KLHL12: variants seen among roughly 807,000 people sequenced by gnomAD.
KLHL12 encodes the protein kelch like family member 12, also known as kelch-like protein 12.
KLHL12 carries 17 observed loss-of-function variants against 60.8 expected under a neutral mutation model. That is an observed-to-expected ratio of 0.28 (90% CI 0.19 to 0.42). The LOEUF (loss-of-function observed/expected upper bound fraction) is 0.42, where lower values mean the gene tolerates loss of function less well. Among genes scored for constraint, KLHL12 ranks in the 10% least tolerant of loss-of-function variants. KLHL12 has a pLI of 1.00. For synonymous variants in KLHL12, 220 were observed against 250.9 expected, an observed-to-expected ratio of 0.88 and a Z score of 1.16; for missense variants, 468 against 722.3, an observed-to-expected ratio of 0.65 and a Z score of 4.04.
At chr1:202,897,281 G>A (rs978819582) in intron 6 of KLHL12, among the ~76,000 whole-genome samples, 4 of 138,946 alleles carry the variant, frequency 2.9e-5, no homozygotes, top group African/African-American at 1.1e-4. Flanking sequence ...TGTTGACCAG[G>A]CTAGAATGCA....
intron 1 of KLHL12, among the ~76,000 whole-genome samples, chr1:202,925,566 T>G (rs890419106): frequency 5.3e-5 from 8 of 152,206 alleles, no homozygotes; most frequent in African/African-American, 9.7e-5. Context: ...TGTTATATTA[T>G]TACTATTTAA....
intron 2 of KLHL12, among the ~76,000 whole-genome samples, chr1:202,924,510 G>A (rs1653426139): frequency 6.6e-6 from 1 of 152,116 alleles, no homozygotes; most frequent in Non-Finnish European, 1.5e-5. Context: ...GCCAGGTGTG[G>A]CCACTCTGGG....
At position 202,918,338 on chromosome 1, in the gene KLHL12, T is replaced by C; in HGVS notation, c.400A>G (p.Asn134Asp). The C allele has an allele frequency of 6.2e-7, 1 of 1,614,150 alleles. No homozygotes were observed. Among genetic ancestry groups the C allele is most frequent in the Non-Finnish European group, 8.5e-7 (1 of 1,180,024 alleles). ...GCAAAATCCCTAATACCCAGGCAATTAGAAGGGTCCAACTGACTTTCTAAG... is the reference window on the plus strand; with the variant it reads ...GCAAAATCCCTAATACCCAGGCAATCAGAAGGGTCCAACTGACTTTCTAAG... ...EFLESQLDPSNCLGIRDFAET... is the reference protein window; with the variant it reads ...EFLESQLDPSDCLGIRDFAET... Residue 134 changes from asparagine (N) to aspartate (D), a missense_variant, in exon 4 of 12, where the codon AAT becomes GAT. Around this residue, in one of 4 missense-constraint regions of KLHL12, gnomAD observed 339 missense variants for 525.0 expected, o/e 0.65. Transcript: ENST00000367261.
chr1:202,912,331 A>AT (rs1478402949), intron 4 of KLHL12: 10 of 795,186 alleles, frequency 1.3e-5, no homozygotes, highest in Non-Finnish European at 2.0e-5. Flanking sequence ...ACGAATGGCC[A>AT]TAACTGTGAA....
chr1:202,923,352 A>G (rs1660755227), intron 2 of KLHL12, among the ~76,000 whole-genome samples: 1 of 152,148 alleles, frequency 6.6e-6, no homozygotes, highest in African/African-American at 2.4e-5. Context: ...GCTTCTGATG[A>G]TCTTGGGTAT....
chr1:202,926,185 G>A (rs1024008798), intron 1 of KLHL12, among the ~76,000 whole-genome samples: 7 of 151,698 alleles, frequency 4.6e-5, no homozygotes, highest in Non-Finnish European at 8.8e-5. Flanking sequence ...AGTTATCGAT[G>A]GACTTACACT....
Position 202,893,385 on chromosome 1 carries a change from C to CA in KLHL12, c.1433dup (p.Phe481IlefsTer2). 6.2e-7 allele frequency: 1 copy of CA among 1,613,940 alleles called. No homozygotes were observed. The highest frequency in any genetic ancestry group is 1.7e-4 in the Middle Eastern group (1 of 6,056). On this transcript the variant is annotated frameshift_variant, in exon 11 of 12. Coordinates refer to ENST00000367261, the MANE Select transcript of KLHL12 (RefSeq NM_021633.4). LOFTEE classifies it high-confidence loss of function. The surrounding 1 kb of genome is among the most constrained non-coding windows in gnomAD (Gnocchi z 4.1). ...GGTGGGCTGTACCATCAAATCCCCC[C>CA]ACCACATAAATATGGTCATTCAGCA...
rs931432948 is a variant in KLHL12 at position 202,894,619 on chromosome 1, T to G, written c.1266A>C (p.Val422=). The G allele has an allele frequency of 6.2e-7, 1 of 1,614,152 alleles. No homozygotes were observed. The highest frequency in any genetic ancestry group is 1.3e-5 in the African/African-American group (1 of 75,046). ...GACAGTAGATCACTCCACTGGCCAC[T>G]ACGAGTCCGGCACCTTCCCGGGCTG... ...MQTAREGAGL[V]VASGVIYCLG... is the part of the protein sequence containing the mutation. The change falls in exon 9 of 12, where the codon GTA becomes GTC. Residue 422 remains valine (V), a synonymous_variant. Coordinates refer to ENST00000367261, the MANE Select transcript of KLHL12 (RefSeq NM_021633.4).
chr1:202,922,298 T>A (rs1175611544), intron 2 of KLHL12, among the ~76,000 whole-genome samples: 1 of 151,870 alleles, frequency 6.6e-6, no homozygotes, highest in Non-Finnish European at 1.5e-5. Context: ...GCCGGGCACA[T>A]GGCTCAAGCC....
intron 4 of KLHL12, chr1:202,912,395 A>T (rs1053987601): frequency 2.5e-5 from 20 of 807,508 alleles, no homozygotes; most frequent in African/African-American, 5.0e-5. Flanking sequence ...CCAGCCAAAG[A>T]AGTCGAAGTG....
At chr1:202,920,391 T>G (rs985771358) in intron 2 of KLHL12, among the ~76,000 whole-genome samples, 2 of 143,752 alleles carry the variant, frequency 1.4e-5, no homozygotes, top group African/African-American at 5.1e-5. Flanking sequence ...TTTTTTTTTT[T>G]TTTGAGACGG....
chr1:202,922,788 A>C (rs556787308), intron 2 of KLHL12, among the ~76,000 whole-genome samples: 1 of 152,170 alleles, frequency 6.6e-6, no homozygotes, highest in Admixed American at 6.5e-5. Context: ...GCCCAGCTGA[A>C]GATCCAAGAC....
chr1:202,912,318 C>T (rs944010034), intron 4 of KLHL12: 1 of 804,218 alleles, frequency 1.2e-6, no homozygotes, highest in Non-Finnish European at 2.2e-6. Flanking sequence ...GAAATACCAT[C>T]CTACGAATGG....
intron 6 of KLHL12, among the ~76,000 whole-genome samples, chr1:202,908,788 T>C (rs1397239626): frequency 1.3e-5 from 2 of 152,220 alleles, no homozygotes; most frequent in Admixed American, 1.3e-4. Context: ...TTATATTTTA[T>C]CTCATTTAAT....
intron 2 of KLHL12, among the ~76,000 whole-genome samples, chr1:202,923,902 A>T (rs1653363600): frequency 6.6e-6 from 1 of 152,222 alleles, no homozygotes; most frequent in African/African-American, 2.4e-5. Flanking sequence ...GTGCTTAAAA[A>T]GACTTTTAAA....
At chr1:202,907,499 GTCT>G (rs1167096932) in intron 6 of KLHL12, among the ~76,000 whole-genome samples, 3 of 151,440 alleles carry the variant, frequency 2.0e-5, no homozygotes, top group Admixed American at 1.3e-4. Flanking sequence ...CTACTCGGGA[GTCT>G]GAGGCACAAG....
chr1:202,898,787 C>T (rs1253186286), intron 6 of KLHL12, among the ~76,000 whole-genome samples: 6 of 151,864 alleles, frequency 4.0e-5, no homozygotes, highest in African/African-American at 7.3e-5. Flanking sequence ...CATGAAATCA[C>T]GAGCAACGTG....
intron 6 of KLHL12, among the ~76,000 whole-genome samples, chr1:202,905,221 A>G (rs1031512338): frequency 2.0e-5 from 3 of 152,252 alleles, no homozygotes. Flanking sequence ...CTAACCAAGC[A>G]GGAGCCCCTT....
At chr1:202,917,229 G>C (rs774301036) in intron 4 of KLHL12, among the ~76,000 whole-genome samples, 1 of 151,928 alleles carries the variant, frequency 6.6e-6, no homozygotes, top group Non-Finnish European at 1.5e-5. Context: ...TTCTTCCCCC[G>C]CAAGAGACAG....
Sources: allele counts gnomAD v4.1 joint callset (sites outside exome capture counted in the v4.1 genomes callset), GRCh38; gene constraint gnomAD v4.1.1; regional missense constraint gnomAD v4.1.1; non-coding constraint Gnocchi (gnomAD v3.1); transcripts MANE v1.5; gene names NCBI Gene and HGNC (gene_info 2026-07-23, HGNC 2026-07-21).